SLC5A7: variants seen among roughly 807,000 people sequenced by gnomAD.
SLC5A7 encodes high affinity choline transporter 1.
In SLC5A7, 19 loss-of-function variants were observed where a neutral mutation model predicts 55.4. The observed-to-expected ratio is 0.34, with a 90% CI of 0.24 to 0.50. The LOEUF is 0.50. Ranked by LOEUF, SLC5A7 falls within the 20% of genes least tolerant of loss-of-function variation. SLC5A7 has a pLI of 0.98. For missense variants in SLC5A7, 506 were observed against 705.3 expected, an observed-to-expected ratio of 0.72 and a Z score of 3.20; for synonymous variants, 265 against 263.7, an observed-to-expected ratio of 1.00 and a Z score of -0.05.
chr2:108,006,316 T>G (rs1277377992), intron 7 of SLC5A7, 114 bp downstream of exon 7: 1 of 1,157,834 alleles, frequency 8.6e-7, no homozygotes, highest in Non-Finnish European at 1.2e-6. Flanking sequence ...TCTCACCACA[T>G]TCATATCTAT....
At chr2:108,009,375 A>C (rs746876440) in intron 8 of SLC5A7, among the ~76,000 whole-genome samples, 2 of 152,058 alleles carry the variant, frequency 1.3e-5, no homozygotes, top group African/African-American at 4.8e-5. Context: ...ACTTGTGCAG[A>C]ACGTGCAGGT....
In SLC5A7 at chr2:108,010,710, T is replaced by G; in HGVS notation, c.1592T>G (p.Leu531Arg). 1 of 1,613,800 alleles carries G rather than the reference T, an allele frequency of 6.2e-7. No individual in the cohort carries two copies. The highest frequency in any genetic ancestry group is 8.5e-7 in the Non-Finnish European group (1 of 1,179,890). The change falls in exon 9 of 9, where the codon CTT becomes CGT. Residue 531 changes from leucine to arginine, a missense_variant. Transcript: ENST00000264047. ...HSEENMDKTI[L>R]VKNENIKLDE... ...GAAGAAAACATGGATAAGACAATTC[T>G]TGTCAAAAATGAAAATATTAAATTA...
chr2:107,994,069 C>T lies in SLC5A7; in HGVS notation c.448+942C>T, dbSNP rs371169554. ...TCCAATCTACCCTTAGAGACACAGG[C>T]TTAGATGTGTACCACATGGGACCAG... is the stretch of plus-strand genomic sequence containing the variant. On this transcript the variant is annotated intron_variant, in intron 4 of 8. Transcript: ENST00000264047. Among the ~76,000 whole-genome samples the T allele has an allele frequency of 3.0e-4, 46 of 152,296 alleles. 1 individual carries two copies. In the South Asian group the frequency reaches 7.2e-3, roughly 24 times the overall value.
intron 7 of SLC5A7, among the ~76,000 whole-genome samples, chr2:108,007,469 CGTGTGTGTGTCTGTGTGTGTGTGT>C (rs1678168108): frequency 3.8e-5 from 3 of 79,898 alleles, no homozygotes; most frequent in East Asian, 9.2e-4. Flanking sequence ...CATATATGGA[CGTGTGTGTGTCTGTGTGTGTGTGT>C]GTGTGTGTGT....
At position 107,997,896 on chromosome 2, in the gene SLC5A7, A is replaced by C. The variant is rs757963115; in HGVS notation, c.507A>C (p.Ala169=). The part of the protein sequence containing the change: ...VDMHISVIIS[A]LIATLYTLVG... ...TGCACATTTCTGTCATCATCTCTGC[A>C]CTCATTGCCACTCTGTACACACTGG... Residue 169 remains alanine (A), a synonymous_variant, in exon 5 of 9, where the codon GCA becomes GCC. Coordinates refer to ENST00000264047, the MANE Select transcript of SLC5A7 (RefSeq NM_021815.5). 6.2e-7 allele frequency: 1 copy of C among 1,613,780 alleles called. No homozygotes were observed. Among genetic ancestry groups the C allele is most frequent in the South Asian group, 1.1e-5 (1 of 91,026 alleles).
intron 6 of SLC5A7, among the ~76,000 whole-genome samples, chr2:108,004,479 C>T (rs1473500746): frequency 2.0e-5 from 3 of 152,292 alleles, no homozygotes; most frequent in East Asian, 1.9e-4. Context: ...ATAAGACAGA[C>T]GTCCCCAGAA....
At chr2:107,988,009 G>T in intron 1 of SLC5A7, 96 bp from the exon 2 acceptor site, 2 of 684,530 alleles carry the variant, frequency 2.9e-6, no homozygotes, top group African/African-American at 1.8e-5. Flanking sequence ...TCTGTGAGTG[G>T]CACAGGATCT....
chr2:107,998,709 A>G (rs1371857904), intron 5 of SLC5A7, among the ~76,000 whole-genome samples: 4 of 152,202 alleles, frequency 2.6e-5, no homozygotes, highest in Non-Finnish European at 4.4e-5. Context: ...TCATAGGTTC[A>G]TGTACATTAT....
In SLC5A7 at chr2:108,007,543, A is replaced by C. The variant is rs374586892; in HGVS notation, c.896-922A>C. ...TTATTGTAGGAACACAGGCTAACAG[A>C]AACAGCATTAAGCCTATTTTTTCTT... On this transcript the variant is annotated intron_variant, in intron 7 of 8. Transcript: ENST00000264047. Among the ~76,000 whole-genome samples, 13 of 152,178 alleles carry C rather than the reference A, an allele frequency of 8.5e-5. No homozygotes were observed. In the East Asian group the frequency reaches 1.4e-3, roughly 16 times the overall value.
intron 2 of SLC5A7, among the ~76,000 whole-genome samples, chr2:107,991,847 A>G (rs553006714): frequency 6.6e-6 from 1 of 152,310 alleles, no homozygotes; most frequent in East Asian, 1.9e-4. Context: ...ACCTCTAAAA[A>G]CAAAAAGAAA....
chr2:107,988,049 G>A, intron 1 of SLC5A7, 56 bp from the exon 2 acceptor site: 1 of 1,148,880 alleles, frequency 8.7e-7, no homozygotes, highest in South Asian at 1.6e-5. Flanking sequence ...ATTCCTGGCT[G>A]CCTACATGTG....
intron 6 of SLC5A7, among the ~76,000 whole-genome samples, chr2:108,004,170 G>A (rs572728096): frequency 1.3e-5 from 2 of 152,226 alleles, no homozygotes; most frequent in Admixed American, 1.3e-4. Flanking sequence ...TGTAGATGAA[G>A]TCAGACTTTA....
intron 4 of SLC5A7, 78 bp downstream of exon 4, chr2:107,993,205 C>T: frequency 6.6e-7 from 1 of 1,507,456 alleles, no homozygotes; most frequent in Non-Finnish European, 9.1e-7. Context: ...TTTCCTCAGC[C>T]TTGGCTTCTG....
At chr2:108,000,264 A>G (rs745996097) in intron 5 of SLC5A7, among the ~76,000 whole-genome samples, 5 of 152,084 alleles carry the variant, frequency 3.3e-5, no homozygotes. Context: ...TATTGGGCCC[A>G]TCTTTGAAGG....
chr2:107,991,389 C>T (rs1677446971), intron 2 of SLC5A7, among the ~76,000 whole-genome samples: 1 of 152,054 alleles, frequency 6.6e-6, no homozygotes, highest in Non-Finnish European at 1.5e-5. Context: ...TAGTCTAGGC[C>T]TTAAGGTAAC....
At chr2:107,992,054 T>C in intron 2 of SLC5A7, 52 bp from the exon 3 acceptor site, 1 of 1,141,196 alleles carries the variant, frequency 8.8e-7, no homozygotes, top group Admixed American at 1.8e-5. Context: ...CAGGCAGATG[T>C]AGGTATAACA....
chr2:108,007,694 G>T (rs1193766869), intron 7 of SLC5A7, among the ~76,000 whole-genome samples: 1 of 152,184 alleles, frequency 6.6e-6, no homozygotes, highest in East Asian at 1.9e-4. Context: ...AGAAAAAATG[G>T]TAGGATCCAA....
chr2:107,995,819 C>T (rs1672098791), intron 4 of SLC5A7, among the ~76,000 whole-genome samples: 1 of 152,078 alleles, frequency 6.6e-6, no homozygotes, highest in African/African-American at 2.4e-5. Flanking sequence ...TGTATTTACA[C>T]TTCTAACAGC....
intron 5 of SLC5A7, 151 bp from the exon 6 acceptor site, chr2:108,001,746 C>G: frequency 1.5e-6 from 1 of 651,204 alleles, no homozygotes; most frequent in Non-Finnish European, 2.5e-6. Flanking sequence ...TTTATGGTGC[C>G]CAACAAAAAA....
Sources: allele counts gnomAD v4.1 joint callset (sites outside exome capture counted in the v4.1 genomes callset), GRCh38; gene constraint gnomAD v4.1.1; transcripts MANE v1.5; gene names NCBI Gene and HGNC (gene_info 2026-07-23, HGNC 2026-07-21).